Variants in SPTBN5 observed in about 807,000 individuals in gnomAD.
SPTBN5 encodes the protein spectrin beta chain, non-erythrocytic 5.
SPTBN5 carries 513 observed loss-of-function variants against 477.6 expected under a neutral mutation model. The observed-to-expected ratio is 1.07, with a 90% CI of 1.00 to 1.16. The LOEUF (loss-of-function observed/expected upper bound fraction) is 1.16, where lower values mean the gene tolerates loss of function less well. Ranked by LOEUF, SPTBN5 falls within the 50% of genes most tolerant of loss-of-function variation. The probability of loss-of-function intolerance (pLI) is 0.00; values close to 1 mark genes in which losing one functional copy is unlikely to be tolerated. For synonymous variants in SPTBN5, 2,169 were observed against 2,011.7 expected (o/e 1.08, Z -2.09); for missense variants, 5,062 against 4,731.8 (o/e 1.07, Z -2.05).
intron 53 of SPTBN5, 100 bp from the exon 54 acceptor site, chr15:41,855,845 G>T: frequency 7.7e-7 from 1 of 1,299,088 alleles, no homozygotes; most frequent in Non-Finnish European, 1.0e-6. Context: ...GGAATCACCT[G>T]GGAGCTGTCA....
intron 53 of SPTBN5, among the ~76,000 whole-genome samples, chr15:41,856,131 T>G (rs553435150): frequency 6.6e-6 from 1 of 152,376 alleles, no homozygotes; most frequent in East Asian, 1.9e-4. Context: ...GTATAATCGT[T>G]CAAGTGAAGG....
rs148892900 is a variant in SPTBN5, at chr15:41,876,470, G to A, written c.3951+78C>T. ...ACATAGCGCGTGAGGAAAGTGCTCTGTAGGCTGCACAGAGCTCTGTACGGT... is the reference window on the plus strand; with the variant it reads ...ACATAGCGCGTGAGGAAAGTGCTCTATAGGCTGCACAGAGCTCTGTACGGT... On this transcript the variant is annotated intron_variant, in intron 20 of 67. Coordinates refer to ENST00000320955, the MANE Select transcript of SPTBN5 (RefSeq NM_016642.4). 91 of 1,408,904 alleles carry A rather than the reference G, an allele frequency of 6.5e-5. 1 individual carries two copies. The East Asian group carries it at 9.7e-4, about 15-fold the overall frequency. 87.3% of individuals were successfully genotyped at this position (1,408,904 alleles called of 1,614,324 possible).
intron 67 of SPTBN5, 124 bp downstream of exon 67, chr15:41,849,745 A>G: frequency 4.1e-6 from 3 of 735,878 alleles, no homozygotes; most frequent in Non-Finnish European, 6.9e-6. Flanking sequence ...GGGTTCCAAT[A>G]GCATTTCCCT....
chr15:41,855,948 T>C (rs1328868637), intron 53 of SPTBN5, among the ~76,000 whole-genome samples: 2 of 152,350 alleles, frequency 1.3e-5, no homozygotes, highest in East Asian at 1.9e-4. Flanking sequence ...CAGGTGATTG[T>C]TTTTTTCCAT....
chr15:41,884,823 G>C (rs2067094340), intron 7 of SPTBN5, among the ~76,000 whole-genome samples: 1 of 152,052 alleles, frequency 6.6e-6, no homozygotes, highest in Non-Finnish European at 1.5e-5. Context: ...TGGCCTCCAG[G>C]CTATTTTTCA....
chr15:41,854,878 C>G lies in SPTBN5; in HGVS notation c.9522G>C (p.Arg3174=), dbSNP rs1363665940. Residue 3174 remains arginine, a synonymous_variant, in exon 56 of 68, where the codon CGG becomes CGC. Coordinates refer to ENST00000320955, the MANE Select transcript of SPTBN5 (RefSeq NM_016642.4). The stretch of plus-strand genomic sequence containing the variant: ...TGTGGGGATAGCGCCTGGGTGCACC[C>G]CGCTCCAGGGTGCCTGCCAACTTCC... The part of the protein sequence containing the change: ...ALRKLAGTLE[R]GAPRRYPHIQ... 2 of 1,609,656 alleles carry G rather than the reference C, an allele frequency of 1.2e-6. No individual in the cohort carries two copies. Among genetic ancestry groups the G allele is most frequent in the African/African-American group, 1.3e-5 (1 of 74,772 alleles).
At chr15:41,858,798 C>A in intron 48 of SPTBN5, 50 bp from the exon 49 acceptor site, 1 of 1,579,966 alleles carries the variant, frequency 6.3e-7, no homozygotes, top group Non-Finnish European at 8.6e-7. Context: ...TCCCCTTCCC[C>A]TGACCTCTGG....
Position 41,853,338 on chromosome 15 carries a change from T to C in SPTBN5, c.10090A>G (p.Arg3364Gly). 1 of 1,612,794 alleles carries C rather than the reference T, an allele frequency of 6.2e-7. No individual in the cohort carries two copies. The highest frequency in any genetic ancestry group is 1.1e-5 in the South Asian group (1 of 91,068). Residue 3364 changes from arginine (R) to glycine (G), a missense_variant, in exon 59 of 68, where the codon AGG (arginine) becomes GGG (glycine). By Grantham distance (125) the Arg-to-Gly change is moderately radical (BLOSUM62 -2). Coordinates refer to ENST00000320955, the MANE Select transcript of SPTBN5 (RefSeq NM_016642.4). ...TCCTGGGCTTGAAGGCGGCACTCCCTGATTTCTTGCCCCAGCTCTTCATGC... is the reference window on the plus strand; with the variant it reads ...TCCTGGGCTTGAAGGCGGCACTCCCCGATTTCTTGCCCCAGCTCTTCATGC... ...GQHEELGQEI[R>G]ECRLQAQDLR...
At chr15:41,890,504 T>A (rs1359023271) in intron 3 of SPTBN5, among the ~76,000 whole-genome samples, 1 of 152,196 alleles carries the variant, frequency 6.6e-6, no homozygotes, top group Non-Finnish European at 1.5e-5. Context: ...TGGGCCAAGA[T>A]CAGTGGTTCA....
In SPTBN5 at chr15:41,863,927, CG is replaced by C. The variant is rs762433020; in HGVS notation, c.7015del (p.Arg2339GlufsTer48). ...PEEVKIICQRRSQLNNRWASF... is the reference protein window; with the variant it reads ...PEEVKIICQRXSQLNNRWASF... ...GACTGGCCTGTTGTTGAGCTGGCTT[CG>C]CCGCTGGCAGATGATCTTGACTTCC... On this transcript the variant is annotated frameshift_variant, in exon 40 of 68. Transcript: ENST00000320955. LOFTEE classifies it high-confidence loss of function. 6.2e-7 allele frequency: 1 copy of C among 1,613,832 alleles called. No homozygotes were observed. The highest frequency in any genetic ancestry group is 8.5e-7 in the Non-Finnish European group (1 of 1,179,860).
chr15:41,893,307 A>G lies in SPTBN5; in HGVS notation c.191T>C (p.Ile64Thr). The change falls in exon 2 of 68, where the codon ATC becomes ACC. Residue 64 changes from isoleucine to threonine, a missense_variant. Physicochemically the swap from Ile to Thr is moderately conservative, Grantham distance 89. Coordinates refer to ENST00000320955, the MANE Select transcript of SPTBN5 (RefSeq NM_016642.4). ...CTGGCCGCACTGGAAGACGTTATTG[A>G]TCCACTTGGTGAAAGTCTTCTCCTG... ...QMQEKTFTKW[I>T]NNVFQCGQAG... 1.2e-6 allele frequency: 2 copies of G among 1,613,966 alleles called. No individual in the cohort carries two copies. Among genetic ancestry groups the G allele is most frequent in the African/African-American group, 1.3e-5 (1 of 75,048 alleles).
Position 41,869,988 on chromosome 15 carries a change from C to A in SPTBN5, c.5706G>T (p.Val1902=). The change falls in exon 32 of 68, where the codon GTG becomes GTT. Residue 1902 remains valine (V), a synonymous_variant. Coordinates refer to ENST00000320955, the MANE Select transcript of SPTBN5 (RefSeq NM_016642.4). Reference sequence around the variant, plus strand: ...CCTGAGGCCCCGGACACAGCTTCTGCACCCTGCCTGCAGTCTCCAGCAGTT... The same window carrying A: ...CCTGAGGCCCCGGACACAGCTTCTGAACCCTGCCTGCAGTCTCCAGCAGTT... ...LQELLETAGR[V]QKLCPGPQAH... 1 of 1,525,038 alleles carries A rather than the reference C, an allele frequency of 6.6e-7. No individual in the cohort carries two copies. The highest frequency in any genetic ancestry group is 2.2e-5 in the Admixed American group (1 of 45,920). 94.5% of individuals were successfully genotyped at this position (1,525,038 alleles called of 1,614,324 possible).
chr15:41,862,644 A>C lies in SPTBN5; in HGVS notation c.7280T>G (p.Val2427Gly), dbSNP rs1430418209. 6.4e-7 allele frequency: 1 copy of C among 1,553,998 alleles called. No individual in the cohort carries two copies. Among genetic ancestry groups the C allele is most frequent in the Non-Finnish European group, 8.7e-7 (1 of 1,152,718 alleles). ...GGGGCTTCTTTGGCAGAGGCGGCCCACTTCACGCTCTAGGGACTGCGGGGG... is the reference window on the plus strand; with the variant it reads ...GGGGCTTCTTTGGCAGAGGCGGCCCCCTTCACGCTCTAGGGACTGCGGGGG... The part of the protein sequence containing the change: ...QAQVESLERE[V>G]GRLCQRSPEA... The change falls in exon 43 of 68, where the codon GTG becomes GGG. Residue 2427 changes from valine to glycine, a missense_variant. By Grantham distance (109) the Val-to-Gly change is moderately radical. Transcript: ENST00000320955.
At chr15:41,882,776 T>C (rs1246172160) in intron 9 of SPTBN5, 38 bp from the exon 10 acceptor site, 1 of 1,591,074 alleles carries the variant, frequency 6.3e-7, no homozygotes, top group Non-Finnish European at 8.6e-7. Flanking sequence ...ACATGGGGAG[T>C]CGTGAGGCAT....
At chr15:41,892,614 G>T (rs577531058) in intron 3 of SPTBN5, among the ~76,000 whole-genome samples, 1 of 152,338 alleles carries the variant, frequency 6.6e-6, no homozygotes, top group South Asian at 2.1e-4. Context: ...TTTTGGCCTA[G>T]AATCCTGTGA....
In SPTBN5 at chr15:41,857,393, C is replaced by T. The variant is rs755896751; in HGVS notation, c.8466G>A (p.Val2822=). Residue 2822 remains valine (V), a synonymous_variant, in exon 51 of 68, where the codon GTG becomes GTA. Coordinates refer to ENST00000320955, the MANE Select transcript of SPTBN5 (RefSeq NM_016642.4). ...CCCTCTGTGTGCCCAGGAGCTCGCC[C>T]ACCCCAGGCAGGGCCTGGCCCACAG... ...APTVGQALPG[V]GELLGTQREL... 5.7e-6 allele frequency: 9 copies of T among 1,586,772 alleles called. 1 individual carries two copies. The South Asian group carries it at 9.2e-5, about 16-fold the overall frequency.
At chr15:41,861,367 T>C (rs1018376264) in intron 46 of SPTBN5, 52 bp downstream of exon 46, 3 of 1,521,472 alleles carry the variant, frequency 2.0e-6, no homozygotes, top group African/African-American at 2.7e-5. Flanking sequence ...GTTTGACCCC[T>C]AATGCTGCTC....
intron 32 of SPTBN5, among the ~76,000 whole-genome samples, chr15:41,868,925 C>T (rs977204943): frequency 1.3e-5 from 2 of 152,240 alleles, no homozygotes; most frequent in Admixed American, 1.3e-4. Flanking sequence ...GCAAGATCAG[C>T]CCCATCAAGA....
Position 41,891,084 on chromosome 15 carries a change from C to T in SPTBN5, c.385-879G>A, listed in dbSNP as rs150267177. Among the ~76,000 whole-genome samples the T allele has an allele frequency of 1.3e-3, 191 of 152,336 alleles. 2 individuals carry two copies. In the South Asian group the frequency reaches 0.019, roughly 15 times the overall value. On this transcript the variant is annotated intron_variant, in intron 3 of 67. Coordinates refer to ENST00000320955, the MANE Select transcript of SPTBN5 (RefSeq NM_016642.4). ...TCACTCAGATGTTGCCTAGCCTGAC[C>T]ACTTTATTTAACACAGAAACTTAAG...
Sources: gnomAD v4.1 joint callset for allele counts (sites outside exome capture counted in the v4.1 genomes callset) on GRCh38, gnomAD v4.1.1 for gene constraint, MANE v1.5 for transcripts, NCBI Gene and HGNC (gene_info 2026-07-23, HGNC 2026-07-21) for gene names.